The following NCK2 variants were observed in gnomAD, a reference collection of about 807,000 sequenced individuals.
NCK2 encodes the protein NCK adaptor protein 2.
In NCK2, 16 loss-of-function variants were observed where a neutral mutation model predicts 33.9. That is an observed-to-expected ratio of 0.47 (90% CI 0.32 to 0.72). The LOEUF is 0.72. NCK2 is among the 30% of genes least tolerant of loss of function. The pLI is 0.03. For missense variants in NCK2, 418 were observed against 537.3 expected, an observed-to-expected ratio of 0.78 and a Z score of 2.19; for synonymous variants, 273 against 239.9, an observed-to-expected ratio of 1.14 and a Z score of -1.27.
chr2:105,891,484 C>A (rs376914151), intron 4 of NCK2, among the ~76,000 whole-genome samples: 3 of 143,416 alleles, frequency 2.1e-5, no homozygotes, highest in East Asian at 2.1e-4. Context: ...ATTTATCGTT[C>A]AGTATCTTCT....
intron 4 of NCK2, among the ~76,000 whole-genome samples, chr2:105,887,508 CATTTCTACCCTCATCAT>C (rs1678765957): frequency 6.6e-6 from 1 of 152,088 alleles, no homozygotes; most frequent in East Asian, 1.9e-4. Context: ...ACACAAAGGG[CATTTCTACCCTCATCAT>C]TTCATAAAGT....
intron 2 of NCK2, among the ~76,000 whole-genome samples, chr2:105,833,657 A>AT: frequency 6.9e-6 from 1 of 144,248 alleles, no homozygotes; most frequent in Non-Finnish European, 1.6e-5. Context: ...TATTTAATTG[A>AT]TTTTTTGCAT....
chr2:105,883,324 G>A (rs1188548463), intron 4 of NCK2, among the ~76,000 whole-genome samples: 1 of 152,174 alleles, frequency 6.6e-6, no homozygotes, highest in Non-Finnish European at 1.5e-5. Flanking sequence ...GGACAGCAGC[G>A]CTTTTAACTC....
intron 3 of NCK2, among the ~76,000 whole-genome samples, chr2:105,863,245 G>A (rs138533444): frequency 3.6e-4 from 55 of 152,242 alleles, no homozygotes; most frequent in African/African-American, 7.0e-4. Context: ...GTCTGTCATC[G>A]TGATTATAAA....
At chr2:105,842,596 C>A (rs1400586042) in intron 2 of NCK2, among the ~76,000 whole-genome samples, 1 of 152,126 alleles carries the variant, frequency 6.6e-6, no homozygotes, top group African/African-American at 2.4e-5. Context: ...TGACATCTGA[C>A]TCTTGAGTTA....
At chr2:105,822,305 C>T (rs1308956499) in intron 2 of NCK2, among the ~76,000 whole-genome samples, 1 of 150,296 alleles carries the variant, frequency 6.7e-6, no homozygotes, top group Non-Finnish European at 1.5e-5. Flanking sequence ...CTTAACAGCT[C>T]CTGTGGCTTC....
intron 2 of NCK2, among the ~76,000 whole-genome samples, chr2:105,827,316 T>C (rs571045676): frequency 3.3e-5 from 5 of 152,228 alleles, no homozygotes; most frequent in Admixed American, 2.0e-4. Flanking sequence ...CATTCTTAAG[T>C]ATGCATGCAC....
intron 4 of NCK2, among the ~76,000 whole-genome samples, chr2:105,887,002 TAGG>T (rs764271339): frequency 2.8e-4 from 43 of 152,148 alleles, no homozygotes; most frequent in Non-Finnish European, 5.3e-4. Flanking sequence ...TGAACATTGA[TAGG>T]AGAATAGGAA....
intron 1 of NCK2, among the ~76,000 whole-genome samples, chr2:105,809,550 C>T (rs1021343399): frequency 2.0e-5 from 3 of 152,184 alleles, no homozygotes; most frequent in African/African-American, 7.2e-5. Context: ...ATTAGGGTCC[C>T]TGATTCATTT....
chr2:105,824,771 G>A (rs989297397), intron 2 of NCK2, among the ~76,000 whole-genome samples: 5 of 152,118 alleles, frequency 3.3e-5, no homozygotes, highest in African/African-American at 9.7e-5. Context: ...ATGAAGTTGG[G>A]TGTGTGAACT....
At chr2:105,882,911 C>T (rs568194907) in intron 4 of NCK2, among the ~76,000 whole-genome samples, 2 of 152,296 alleles carry the variant, frequency 1.3e-5, no homozygotes, top group African/African-American at 2.4e-5. Context: ...TAAATGCACG[C>T]TATAAGACTA....
chr2:105,886,209 T>G (rs906239908), intron 4 of NCK2, among the ~76,000 whole-genome samples: 2 of 152,228 alleles, frequency 1.3e-5, no homozygotes, highest in Non-Finnish European at 2.9e-5. Context: ...AAGCCTGGAT[T>G]TTTGTAATAG....
intron 1 of NCK2, among the ~76,000 whole-genome samples, chr2:105,771,324 T>C (rs1690129926): frequency 1.3e-5 from 2 of 151,884 alleles, no homozygotes; most frequent in South Asian, 4.2e-4. Flanking sequence ...CCCAGCACTT[T>C]GGGAGGCTGA....
chr2:105,828,810 T>A (rs1676056329), intron 2 of NCK2, among the ~76,000 whole-genome samples: 1 of 152,224 alleles, frequency 6.6e-6, no homozygotes, highest in African/African-American at 2.4e-5. Context: ...GGACCATCAC[T>A]CACTCATCTT....
intron 1 of NCK2, among the ~76,000 whole-genome samples, chr2:105,797,208 A>C (rs566669556): frequency 6.6e-6 from 1 of 152,288 alleles, no homozygotes; most frequent in African/African-American, 2.4e-5. Flanking sequence ...CAAATTCAGG[A>C]TCTTAGAAAG....
intron 2 of NCK2, 81 bp from the exon 3 acceptor site, chr2:105,854,964 CAGT>C (rs1677200843): frequency 2.1e-6 from 2 of 967,414 alleles, no homozygotes; most frequent in Non-Finnish European, 3.2e-6. Context: ...TAAAAGCTGT[CAGT>C]GCCTAATTTT....
At chr2:105,777,837 T>G (rs1690363382) in intron 1 of NCK2, among the ~76,000 whole-genome samples, 1 of 152,180 alleles carries the variant, frequency 6.6e-6, no homozygotes, top group African/African-American at 2.4e-5. Flanking sequence ...CGAGCTCCCT[T>G]TGCAGTTCTG....
At chr2:105,794,964 T>A (rs6711659) in intron 1 of NCK2, among the ~76,000 whole-genome samples, 42,402 of 152,190 alleles carry the variant, frequency 0.28, 8,110 homozygotes, top group African/African-American at 0.54. Flanking sequence ...CACCATTTTT[T>A]AAAGATGTTT....
intron 1 of NCK2, among the ~76,000 whole-genome samples, chr2:105,786,848 C>G (rs373804908): frequency 3.8e-5 from 2 of 52,906 alleles, no homozygotes; most frequent in African/African-American, 1.4e-4. Context: ...CAGCCCTGCT[C>G]CCACCCTAGC....
Sources: gnomAD v4.1 joint callset for allele counts (sites outside exome capture counted in the v4.1 genomes callset) on GRCh38, gnomAD v4.1.1 for gene constraint, MANE v1.5 for transcripts, NCBI Gene and HGNC (gene_info 2026-07-23, HGNC 2026-07-21) for gene names.